The following ALPK2 variants were observed in gnomAD, a reference collection of about 807,000 sequenced individuals.
ALPK2 encodes the protein alpha kinase 2.
ALPK2 carries 127 observed loss-of-function variants against 163.1 expected under a neutral mutation model. That is an observed-to-expected ratio of 0.78 (90% CI 0.67 to 0.90). ALPK2 has a LOEUF of 0.90. Ranked by LOEUF, ALPK2 falls within the 40% of genes least tolerant of loss-of-function variation. The probability of loss-of-function intolerance (pLI) is 0.00; values close to 1 mark genes in which losing one functional copy is unlikely to be tolerated. For synonymous variants in ALPK2, 953 were observed against 959.1 expected (o/e 0.99, Z 0.12); for missense variants, 2,360 against 2,589.6 (o/e 0.91, Z 1.92).
Position 58,537,997 on chromosome 18 carries a change from A to G in ALPK2, c.2190T>C (p.Pro730=). 1 of 1,614,196 alleles carries G rather than the reference A, an allele frequency of 6.2e-7. No homozygotes were observed. Among genetic ancestry groups the G allele is most frequent in the Non-Finnish European group, 8.5e-7 (1 of 1,180,022 alleles). ...ATTTTAGGTCTTCCCTGAAATTGTC[A>G]GGTATGTTGCCATCTCTGTCTTGTT... ...EEKQDRDGNI[P]DNFREDLKYE... Residue 730 remains proline (P), a synonymous_variant, in exon 5 of 13, where the codon CCT becomes CCC. Coordinates refer to ENST00000361673, the MANE Select transcript of ALPK2 (RefSeq NM_052947.4).
chr18:58,580,052 AC>A lies in ALPK2; in HGVS notation c.723del (p.Lys241AsnfsTer7), dbSNP rs1295223189. On this transcript the variant is annotated frameshift_variant, in exon 4 of 13. Coordinates refer to ENST00000361673, the MANE Select transcript of ALPK2 (RefSeq NM_052947.4). LOFTEE classifies it high-confidence loss of function. ...CHKTVHSMAS[K>X]FTDGDLNNDG... ...TCATTGTTCAGGTCACCATCCGTGA[AC>A]TTTGATGCCATGGAATGCACTGTCT... 6.2e-7 allele frequency: 1 copy of A among 1,614,256 alleles called. No homozygotes were observed. The highest frequency in any genetic ancestry group is 8.5e-7 in the Non-Finnish European group (1 of 1,180,046).
At chr18:58,620,706 T>C (rs1275566780) in intron 1 of ALPK2, among the ~76,000 whole-genome samples, 1 of 152,170 alleles carries the variant, frequency 6.6e-6, no homozygotes, top group African/African-American at 2.4e-5. Flanking sequence ...ATTTTAAAAA[T>C]AGGAGCAAGG....
At chr18:58,544,100 A>G (rs2051705270) in intron 4 of ALPK2, 1 of 152,070 alleles carries the variant, frequency 6.6e-6, no homozygotes, top group Non-Finnish European at 1.5e-5. Context: ...GCACATAGGG[A>G]CTCAAATAAT....
intron 1 of ALPK2, among the ~76,000 whole-genome samples, chr18:58,620,942 GC>G (rs2052195568): frequency 6.6e-6 from 1 of 152,132 alleles, no homozygotes; most frequent in African/African-American, 2.4e-5. Context: ...GATCGCTTGA[GC>G]CCAGGAGTTC....
intron 12 of ALPK2, among the ~76,000 whole-genome samples, chr18:58,496,798 C>T (rs2051403400): frequency 6.6e-6 from 1 of 152,152 alleles, no homozygotes; most frequent in Non-Finnish European, 1.5e-5. Context: ...CTGCCATATT[C>T]CTAGAGAGAG....
intron 6 of ALPK2, 57 bp from the exon 7 acceptor site, chr18:58,524,119 C>T (rs7228617): frequency 0.99 from 1,544,527 of 1,563,422 alleles, 764,290 homozygotes; most frequent in East Asian, 1. Context: ...TGCATTTTTT[C>T]CTAATATACT....
At chr18:58,586,206 A>G (rs1360495859) in intron 3 of ALPK2, among the ~76,000 whole-genome samples, 5 of 152,228 alleles carry the variant, frequency 3.3e-5, no homozygotes, top group African/African-American at 1.2e-4. Context: ...AAGCTTTCCA[A>G]AATTCTACTT....
intron 4 of ALPK2, chr18:58,566,690 G>A (rs1223359825): frequency 6.6e-6 from 1 of 152,158 alleles, no homozygotes; most frequent in Non-Finnish European, 1.5e-5. Flanking sequence ...ACCTGTTTTG[G>A]ATTAGTTACA....
At chr18:58,524,598 A>G (rs2051574371) in intron 6 of ALPK2, among the ~76,000 whole-genome samples, 1 of 152,218 alleles carries the variant, frequency 6.6e-6, no homozygotes, top group Non-Finnish European at 1.5e-5. Flanking sequence ...TCACTGTGCT[A>G]TGAAAACTAA....
intron 1 of ALPK2, among the ~76,000 whole-genome samples, chr18:58,624,881 C>T (rs1307924577): frequency 6.6e-6 from 1 of 152,180 alleles, no homozygotes; most frequent in Non-Finnish European, 1.5e-5. Flanking sequence ...AATCAAGTTA[C>T]CGACAGAAGT....
chr18:58,605,155 T>TA (rs1218117281), intron 3 of ALPK2, among the ~76,000 whole-genome samples: 3 of 137,594 alleles, frequency 2.2e-5, no homozygotes, highest in Non-Finnish European at 4.9e-5. Flanking sequence ...TCAAGGATCT[T>TA]ACCAGGGTAG....
chr18:58,559,600 G>A (rs756853881), intron 4 of ALPK2, among the ~76,000 whole-genome samples: 1 of 152,180 alleles, frequency 6.6e-6, no homozygotes, highest in African/African-American at 2.4e-5. Flanking sequence ...AGGGCCCGGG[G>A]ATTCTATAGT....
At chr18:58,500,578 T>C (rs1362674230) in intron 11 of ALPK2, among the ~76,000 whole-genome samples, 1 of 152,164 alleles carries the variant, frequency 6.6e-6, no homozygotes, top group Non-Finnish European at 1.5e-5. Flanking sequence ...GAGATAACAG[T>C]AATCTACAGG....
rs2051662466 is a variant in ALPK2 at position 58,537,836 on chromosome 18, G to A, written c.2351C>T (p.Thr784Ile). 1 of 1,614,170 alleles carries A rather than the reference G, an allele frequency of 6.2e-7. No individual in the cohort carries two copies. Among genetic ancestry groups the A allele is most frequent in the Non-Finnish European group, 8.5e-7 (1 of 1,180,034 alleles). The change falls in exon 5 of 13, where the codon ACT becomes ATT. Residue 784 changes from threonine to isoleucine, a missense_variant. By Grantham distance (89) the Thr-to-Ile change is moderately conservative. Transcript: ENST00000361673. ...ACACACATTTTCCAGGGTGAGGGCA[G>A]TATCTGTGGGTTCAGGGGAAGCAAC... is the stretch of plus-strand genomic sequence containing the variant. Reference protein sequence around the residue: ...VSVASPEPTDTALTLENVCDE... With the variant: ...VSVASPEPTDIALTLENVCDE...
rs759792575 is a variant in ALPK2 at position 58,537,485 on chromosome 18, G to C, written c.2702C>G (p.Thr901Arg). Residue 901 changes from threonine (T) to arginine (R), a missense_variant, in exon 5 of 13, where the codon ACA becomes AGA. Transcript: ENST00000361673. ...TTCTCCTGTGGCACCTTCACTAGCT[G>C]TGTGTGAAATGTTCAAGGTGAAAGT... ...TSTFTLNISH[T>R]ASEGATGENL... 1.2e-6 allele frequency: 2 copies of C among 1,611,968 alleles called. No homozygotes were observed. The highest frequency in any genetic ancestry group is 1.7e-6 in the Non-Finnish European group (2 of 1,178,470).
intron 4 of ALPK2, among the ~76,000 whole-genome samples, chr18:58,546,850 G>C (rs2051720141): frequency 6.6e-6 from 1 of 152,204 alleles, no homozygotes; most frequent in Non-Finnish European, 1.5e-5. Flanking sequence ...GCAAACATAA[G>C]AAAAGATGGT....
chr18:58,598,543 G>A (rs2052052393), intron 3 of ALPK2, among the ~76,000 whole-genome samples: 1 of 152,190 alleles, frequency 6.6e-6, no homozygotes, highest in African/African-American at 2.4e-5. Context: ...GCATGAGGAG[G>A]AGAAATAGGC....
intron 4 of ALPK2, among the ~76,000 whole-genome samples, chr18:58,565,605 A>G (rs1197475372): frequency 6.6e-6 from 1 of 152,194 alleles, no homozygotes; most frequent in African/African-American, 2.4e-5. Flanking sequence ...TACCCTGGAA[A>G]TTAATCTTTG....
intron 4 of ALPK2, among the ~76,000 whole-genome samples, chr18:58,560,027 C>T (rs535351181): frequency 6.6e-6 from 1 of 152,286 alleles, no homozygotes; most frequent in East Asian, 1.9e-4. Flanking sequence ...GGGCCATGTC[C>T]TTCTGGAGGC....
Sources: allele counts gnomAD v4.1 joint callset (sites outside exome capture counted in the v4.1 genomes callset), GRCh38; gene constraint gnomAD v4.1.1; transcripts MANE v1.5; gene names NCBI Gene and HGNC (gene_info 2026-07-23, HGNC 2026-07-21).